SLC6A4: variants seen among roughly 807,000 people sequenced by gnomAD.
The protein encoded by SLC6A4 is sodium-dependent serotonin transporter.
In SLC6A4, 22 loss-of-function variants were observed where a neutral mutation model predicts 73.4. The ratio of observed to expected loss-of-function variants is 0.30; its 90% CI spans 0.21 to 0.43. The LOEUF is 0.43. SLC6A4 is among the 20% of genes least tolerant of loss of function. SLC6A4 has a pLI of 1.00. For missense variants in SLC6A4, 593 were observed against 808.5 expected (o/e 0.73, Z 3.23); for synonymous variants, 270 against 315.5 (o/e 0.86, Z 1.53).
rs534439061 is a variant in SLC6A4, at chr17:30,227,043, G to A, written c.-220-4128C>T. On this transcript the variant is annotated intron_variant, in intron 1 of 14. Transcript: ENST00000650711. ...CATCCCGTGGTGAACAGAGGCTGCCGCTGGCTCGCCGCGGCGTGTTTAGAT... is the reference window on the plus strand; with the variant it reads ...CATCCCGTGGTGAACAGAGGCTGCCACTGGCTCGCCGCGGCGTGTTTAGAT... Among the ~76,000 whole-genome samples the A allele has an allele frequency of 2.4e-4, 37 of 152,312 alleles. 1 individual carries two copies. In the South Asian group the frequency reaches 6.8e-3, roughly 28 times the overall value.
rs1372689679 is a variant in SLC6A4 at position 30,221,849 on chromosome 17, T to A, written c.110A>T (p.Lys37Ile). 1 of 1,614,200 alleles carries A rather than the reference T, an allele frequency of 6.2e-7. No homozygotes were observed. Residue 37 changes from lysine to isoleucine, a missense_variant, in exon 3 of 15, where the codon AAA becomes ATA. Coordinates refer to ENST00000650711, the MANE Select transcript of SLC6A4 (RefSeq NM_001045.6). ...ATTGGATATTTGCCCGGACTCCACT[T>A]TGTCCCCTGGGGTGGGAACAACCTT... is the stretch of plus-strand genomic sequence containing the variant. ...LQKVVPTPGDKVESGQISNGY... is the reference protein window; with the variant it reads ...LQKVVPTPGDIVESGQISNGY...
chr17:30,209,262 C>T lies in SLC6A4; in HGVS notation c.1450-20G>A, dbSNP rs1157405251. 1 of 1,519,452 alleles carries T rather than the reference C, an allele frequency of 6.6e-7. No homozygotes were observed. Among genetic ancestry groups the T allele is most frequent in the Admixed American group, 1.7e-5 (1 of 59,820 alleles). 94.1% of individuals were successfully genotyped at this position (1,519,452 alleles called of 1,614,324 possible). On this transcript the variant is annotated intron_variant, in intron 11 of 14. Coordinates refer to ENST00000650711, the MANE Select transcript of SLC6A4 (RefSeq NM_001045.6). ...CCCTCCCTGGAGGGGAGAGCAGAGC[C>T]TGGGTGAGGGCCCTCCAAGGAGCCA... is the stretch of plus-strand genomic sequence containing the variant.
Position 30,206,852 on chromosome 17 carries a change from C to A in SLC6A4, c.1650+880G>T, listed in dbSNP as rs141402559. 2.0e-3 allele frequency among the ~76,000 whole-genome samples: 307 copies of A among 150,858 alleles called. 2 individuals carry two copies. Among genetic ancestry groups the A allele is most frequent in the Middle Eastern group, 0.01 (3 of 292 alleles). ...TCCTGCCTCAGCCTCCTGAGTAGCA[C>A]CTAGTACCATGCCCAGCTAATTTTT... On this transcript the variant is annotated intron_variant, in intron 13 of 14. Coordinates refer to ENST00000650711, the MANE Select transcript of SLC6A4 (RefSeq NM_001045.6).
chr17:30,211,034 G>A lies in SLC6A4; in HGVS notation c.1317+278C>T, dbSNP rs1023559801. Among the ~76,000 whole-genome samples the A allele has an allele frequency of 6.6e-6, 1 of 152,166 alleles. No individual in the cohort carries two copies. The highest frequency in any genetic ancestry group is 1.5e-5 in the Non-Finnish European group (1 of 68,038). ...AGAGACCTCGCCCCGGCCTGTAGGC[G>A]CCATAATTGGGCCAAGGGACAGTGC... On this transcript the variant is annotated intron_variant, in intron 10 of 14. Transcript: ENST00000650711. This position sits in a 1 kb window ranked among gnomAD's most constrained non-coding sequence, Gnocchi z 4.0.
In SLC6A4 at chr17:30,232,671, T is replaced by C. The variant is rs113667080; in HGVS notation, c.-221+2942A>G. ...GGAAATAATAATAAGGCAGTCAGAC[T>C]GCCTCACATCCACTTTATCGCTACT... On this transcript the variant is annotated intron_variant, in intron 1 of 14. Transcript: ENST00000650711. Among the ~76,000 whole-genome samples the C allele has an allele frequency of 9.6e-3, 1,470 of 152,354 alleles. 19 individuals are homozygous for C. Among genetic ancestry groups the C allele is most frequent in the Middle Eastern group, 0.051 (15 of 294 alleles).
chr17:30,199,783 G>A (rs1905974732), intron 14 of SLC6A4, among the ~76,000 whole-genome samples: 1 of 152,096 alleles, frequency 6.6e-6, no homozygotes, highest in Non-Finnish European at 1.5e-5. Context: ...GCCGAGTCAC[G>A]GAAAGCAACT....
intron 1 of SLC6A4, among the ~76,000 whole-genome samples, chr17:30,234,200 T>C (rs985269719): frequency 9.2e-5 from 14 of 152,230 alleles, no homozygotes; most frequent in South Asian, 2.1e-4. Context: ...AGTATATATA[T>C]ATTTCTTAAA....
At chr17:30,200,262 T>G (rs1459775209) in intron 14 of SLC6A4, among the ~76,000 whole-genome samples, 4 of 152,244 alleles carry the variant, frequency 2.6e-5, no homozygotes, top group Admixed American at 2.6e-4. Flanking sequence ...CTGTTTTCCG[T>G]GCTTTGCCAG....
At chr17:30,203,104 G>T in intron 14 of SLC6A4, 68 bp downstream of exon 14, 1 of 1,295,990 alleles carries the variant, frequency 7.7e-7, no homozygotes, top group Non-Finnish European at 1.1e-6. Context: ...AGCATAACAA[G>T]ATAATCCTTT....
chr17:30,218,077 C>G (rs760606335), intron 5 of SLC6A4, 41 bp downstream of exon 5: 9 of 1,550,578 alleles, frequency 5.8e-6, no homozygotes, highest in Non-Finnish European at 7.1e-6. Context: ...AGGGGTGTGG[C>G]CTGCCCCTAA....
chr17:30,207,810 G>A lies in SLC6A4; in HGVS notation c.1572C>T (p.Asp524=), dbSNP rs200528841. The change falls in exon 13 of 15, where the codon GAC becomes GAT. Residue 524 remains aspartate (D), a synonymous_variant. Transcript: ENST00000650711. The part of the protein sequence containing the change: ...WFYGITQFCR[D]VKEMLGFSPG... The stretch of plus-strand genomic sequence containing the variant: ...GGCTGAAGCCGAGCATTTCCTTCAC[G>A]TCCCTGCAGAACTGAGTGATGCCTG... The A allele has an allele frequency of 5.3e-4, 857 of 1,613,936 alleles. 11 individuals carry two copies. In the South Asian group the frequency reaches 9.0e-3, roughly 17 times the overall value.
chr17:30,229,854 T>C (rs1223054675), intron 1 of SLC6A4, among the ~76,000 whole-genome samples: 1 of 151,950 alleles, frequency 6.6e-6, no homozygotes, highest in East Asian at 2.0e-4. Context: ...ACCCTGTCTC[T>C]ACTAAAAATA....
intron 1 of SLC6A4, among the ~76,000 whole-genome samples, chr17:30,230,550 A>T (rs73987804): frequency 0.014 from 2,156 of 152,326 alleles, 51 homozygotes; most frequent in African/African-American, 0.046. Context: ...AGAGGAAAAA[A>T]CAACCCCAGG....
chr17:30,203,326 C>T lies in SLC6A4; in HGVS notation c.1664G>A (p.Ser555Asn). ...SPLFLLFIIC[S>N]FLMSPPQLRL... ...TAGTTGTGGCGGGCTCATCAGAAAACTGCAAATGATGAACTAAAACAGAAA... is the reference window on the plus strand; with the variant it reads ...TAGTTGTGGCGGGCTCATCAGAAAATTGCAAATGATGAACTAAAACAGAAA... The change falls in exon 14 of 15, where the codon AGT (serine) becomes AAT (asparagine). Residue 555 changes from serine to asparagine, a missense_variant. Coordinates refer to ENST00000650711, the MANE Select transcript of SLC6A4 (RefSeq NM_001045.6). 6.2e-7 allele frequency: 1 copy of T among 1,612,958 alleles called. No homozygotes were observed. Among genetic ancestry groups the T allele is most frequent in the Non-Finnish European group, 8.5e-7 (1 of 1,179,648 alleles).
intron 2 of SLC6A4, 140 bp downstream of exon 2, chr17:30,222,679 A>T: frequency 1.5e-6 from 1 of 646,740 alleles, no homozygotes; most frequent in Non-Finnish European, 2.6e-6. Context: ...AGATTCTGTC[A>T]CTCGTCTTTT....
intron 9 of SLC6A4, among the ~76,000 whole-genome samples, 200 bp downstream of exon 9, chr17:30,212,540 C>G (rs1270875651): frequency 1.3e-5 from 2 of 152,150 alleles, no homozygotes; most frequent in African/African-American, 2.4e-5. Context: ...GTGTGCACTA[C>G]CATGCCCAGC....
At chr17:30,217,387 C>T in intron 5 of SLC6A4, 83 bp from the exon 6 acceptor site, 3 of 1,403,352 alleles carry the variant, frequency 2.1e-6, no homozygotes, top group Non-Finnish European at 2.9e-6. Flanking sequence ...TTTGAGGGTG[C>T]CCGGGACAAA....
chr17:30,225,692 C>T (rs1056373640), intron 1 of SLC6A4, among the ~76,000 whole-genome samples: 2 of 152,150 alleles, frequency 1.3e-5, no homozygotes, highest in African/African-American at 2.4e-5. Context: ...GAGCTGGTGA[C>T]AGGCTGAGGG....
At chr17:30,234,011 AC>A (rs1051839574) in intron 1 of SLC6A4, among the ~76,000 whole-genome samples, 3 of 151,692 alleles carry the variant, frequency 2.0e-5, no homozygotes, top group East Asian at 1.9e-4. Flanking sequence ...CATGCTCCTA[AC>A]CCCCCTCCAG....
Sources: allele counts gnomAD v4.1 joint callset (sites outside exome capture counted in the v4.1 genomes callset), GRCh38; gene constraint gnomAD v4.1.1; non-coding constraint Gnocchi (gnomAD v3.1); transcripts MANE v1.5; gene names NCBI Gene and HGNC (gene_info 2026-07-23, HGNC 2026-07-21).